The following SLC39A11 variants were observed in gnomAD, a reference collection of about 807,000 sequenced individuals.
SLC39A11 encodes the protein solute carrier family 39 member 11.
SLC39A11 carries 33 observed loss-of-function variants against 36.1 expected under a neutral mutation model. That is an observed-to-expected ratio of 0.91 (90% CI 0.69 to 1.22). The LOEUF (loss-of-function observed/expected upper bound fraction) is 1.22. Ranked by LOEUF, SLC39A11 falls within the 50% of genes most tolerant of loss-of-function variation. SLC39A11 has a pLI of 0.00. For missense variants in SLC39A11, 432 were observed against 430.3 expected (o/e 1.00, Z -0.03); for synonymous variants, 166 against 170.3 (o/e 0.97, Z 0.20).
chr17:72,815,802 G>T (rs1398852885), intron 6 of SLC39A11, among the ~76,000 whole-genome samples: 2 of 151,382 alleles, frequency 1.3e-5, no homozygotes, highest in African/African-American at 2.4e-5. Flanking sequence ...GCCACCTGCA[G>T]TTCCAGCTAC....
intron 4 of SLC39A11, among the ~76,000 whole-genome samples, chr17:72,992,120 G>C (rs1334767449): frequency 6.6e-6 from 1 of 152,178 alleles, no homozygotes; most frequent in East Asian, 1.9e-4. Context: ...GGGAGGCTGA[G>C]GCAGATGGAT....
At chr17:72,866,045 A>C (rs1189704302) in intron 5 of SLC39A11, among the ~76,000 whole-genome samples, 3 of 152,242 alleles carry the variant, frequency 2.0e-5, no homozygotes, top group African/African-American at 4.8e-5. Context: ...GTCATGAACC[A>C]GTATCCGTCC....
At chr17:72,851,914 A>G (rs1256087921) in intron 5 of SLC39A11, among the ~76,000 whole-genome samples, 2 of 152,124 alleles carry the variant, frequency 1.3e-5, no homozygotes, top group Admixed American at 6.5e-5. Flanking sequence ...TTTGAAAATC[A>G]TTTTGTGGCC....
chr17:72,862,621 G>A (rs1322524046), intron 5 of SLC39A11, among the ~76,000 whole-genome samples: 1 of 152,184 alleles, frequency 6.6e-6, no homozygotes, highest in Non-Finnish European at 1.5e-5. Flanking sequence ...GGTGGCTGCT[G>A]AGAGCTTTGT....
At chr17:72,712,202 G>C (rs1278519236) in intron 7 of SLC39A11, among the ~76,000 whole-genome samples, 1 of 152,242 alleles carries the variant, frequency 6.6e-6, no homozygotes, top group Non-Finnish European at 1.5e-5. Flanking sequence ...TCTTCAAGAA[G>C]GAAGACAGAC....
At chr17:72,953,120 T>C (rs1437423267) in intron 4 of SLC39A11, among the ~76,000 whole-genome samples, 1 of 152,042 alleles carries the variant, frequency 6.6e-6, no homozygotes, top group East Asian at 1.9e-4. Context: ...TGTGGGCCAA[T>C]GGAGGCATGA....
At chr17:72,902,061 C>T (rs905892899) in intron 5 of SLC39A11, among the ~76,000 whole-genome samples, 36 of 152,128 alleles carry the variant, frequency 2.4e-4, no homozygotes, top group Non-Finnish European at 5.3e-4. Flanking sequence ...TACCTGAGGT[C>T]GAGAGTTCGA....
intron 7 of SLC39A11, among the ~76,000 whole-genome samples, chr17:72,691,503 A>G (rs1430493224): frequency 6.6e-6 from 1 of 152,230 alleles, no homozygotes; most frequent in Non-Finnish European, 1.5e-5. Flanking sequence ...ACTTTGTGCC[A>G]GAAATGTAAG....
chr17:73,065,015 T>A (rs996722570), intron 3 of SLC39A11, among the ~76,000 whole-genome samples: 8 of 152,212 alleles, frequency 5.3e-5, no homozygotes, highest in Admixed American at 3.9e-4. Flanking sequence ...TTTATAGCCA[T>A]AAATTAAATT....
chr17:72,818,544 C>T (rs1430990063), intron 6 of SLC39A11, among the ~76,000 whole-genome samples: 1 of 152,154 alleles, frequency 6.6e-6, no homozygotes, highest in Non-Finnish European at 1.5e-5. Flanking sequence ...AAGATTAAGC[C>T]TATTGATTTA....
At chr17:72,827,370 A>G (rs1163036322) in intron 6 of SLC39A11, among the ~76,000 whole-genome samples, 1 of 152,118 alleles carries the variant, frequency 6.6e-6, no homozygotes, top group Non-Finnish European at 1.5e-5. Flanking sequence ...GATAATTGCT[A>G]ATGGGTAGGG....
chr17:72,840,117 C>A (rs1186740829), intron 6 of SLC39A11, among the ~76,000 whole-genome samples: 4 of 81,272 alleles, frequency 4.9e-5, no homozygotes, highest in Non-Finnish European at 1.0e-4. Flanking sequence ...ATTTGGGTTC[C>A]TGTTCCCTGA....
At chr17:72,721,948 C>T (rs986706491) in intron 7 of SLC39A11, among the ~76,000 whole-genome samples, 1 of 125,600 alleles carries the variant, frequency 8.0e-6, no homozygotes, top group Non-Finnish European at 1.6e-5. Context: ...CCAGCCTGGG[C>T]AACAGGCAAG....
intron 5 of SLC39A11, among the ~76,000 whole-genome samples, chr17:72,876,919 A>G (rs1287164176): frequency 6.6e-6 from 1 of 152,190 alleles, no homozygotes; most frequent in Non-Finnish European, 1.5e-5. Flanking sequence ...TAACACTTAG[A>G]GCCTACAGAA....
At chr17:72,679,657 G>A (rs1439228130) in intron 7 of SLC39A11, among the ~76,000 whole-genome samples, 1 of 152,220 alleles carries the variant, frequency 6.6e-6, no homozygotes, top group Non-Finnish European at 1.5e-5. Context: ...ACATGTTGCA[G>A]GAGGTATTGA....
At chr17:73,008,525 G>A (rs1223938369) in intron 4 of SLC39A11, among the ~76,000 whole-genome samples, 1 of 152,206 alleles carries the variant, frequency 6.6e-6, no homozygotes, top group Non-Finnish European at 1.5e-5. Flanking sequence ...TGAGCCACCA[G>A]CCTGGCTGCC....
chr17:72,694,110 G>A (rs2072172390), intron 7 of SLC39A11, among the ~76,000 whole-genome samples: 1 of 152,230 alleles, frequency 6.6e-6, no homozygotes, highest in South Asian at 2.1e-4. Flanking sequence ...GGGCTTCCCA[G>A]CTTGCAGCAT....
chr17:72,787,855 C>A (rs1385185241), intron 6 of SLC39A11, among the ~76,000 whole-genome samples: 1 of 152,164 alleles, frequency 6.6e-6, no homozygotes, highest in Non-Finnish European at 1.5e-5. Context: ...GACTCTCCCC[C>A]TCCTTCCCTG....
chr17:72,706,921 C>T lies in SLC39A11; in HGVS notation c.671+29729G>A, dbSNP rs116038667. Among the ~76,000 whole-genome samples, 835 of 152,294 alleles carry T rather than the reference C, an allele frequency of 5.5e-3. 3 individuals are homozygous for T. The highest frequency in any genetic ancestry group is 0.017 in the Middle Eastern group (5 of 294). The stretch of plus-strand genomic sequence containing the variant: ...TTGAAAGTTCTCCACTTGATTCCAA[C>T]GTGTAGTCAAGGTTTAGAACCACTG... On this transcript the variant is annotated intron_variant, in intron 7 of 9. Coordinates refer to ENST00000255559, the MANE Select transcript of SLC39A11 (RefSeq NM_139177.4).
Sources: gnomAD v4.1 joint callset for allele counts (sites outside exome capture counted in the v4.1 genomes callset) on GRCh38, gnomAD v4.1.1 for gene constraint, MANE v1.5 for transcripts, NCBI Gene and HGNC (gene_info 2026-07-23, HGNC 2026-07-21) for gene names.